BBS12: variants seen among roughly 807,000 people sequenced by gnomAD.
BBS12 encodes chaperonin-containing T-complex member BBS12.
BBS12 carries 5 observed loss-of-function variants against 5.6 expected under a neutral mutation model. The observed-to-expected ratio is 0.89, with a 90% CI of 0.46 to 1.86. The LOEUF is 1.86. BBS12 is among the 40% of genes most tolerant of loss of function. BBS12 has a pLI of 0.01. For synonymous variants in BBS12, 308 were observed against 306.8 expected (o/e 1.00, Z -0.04); for missense variants, 748 against 830.4 (o/e 0.90, Z 1.22).
chr4:122,716,199 G>A, the BBS12 span, among the ~76,000 whole-genome samples: 1 of 152,062 alleles, frequency 6.6e-6, no homozygotes, highest in African/African-American at 2.4e-5. Flanking sequence ...TGGATTTATT[G>A]TTCAAATCCA....
At chr4:122,713,570 A>C in the BBS12 span, among the ~76,000 whole-genome samples, 1 of 152,218 alleles carries the variant, frequency 6.6e-6, no homozygotes, top group Non-Finnish European at 1.5e-5. Context: ...CAACATTTGG[A>C]ATTAAGGCAA....
At chr4:122,727,488 C>T in the BBS12 span, among the ~76,000 whole-genome samples, 1 of 150,808 alleles carries the variant, frequency 6.6e-6, no homozygotes, top group Admixed American at 6.6e-5. Context: ...TCGTAATGCG[C>T]CTGCCTCAGC....
chr4:122,713,448 T>C, the BBS12 span, among the ~76,000 whole-genome samples: 1 of 152,154 alleles, frequency 6.6e-6, no homozygotes, highest in East Asian at 1.9e-4. Flanking sequence ...GCTATGATTG[T>C]GCCTGTGAAG....
At position 122,742,690 on chromosome 4, in the gene BBS12, T is replaced by C. The variant is rs762709515; in HGVS notation, c.798T>C (p.Asn266=). 3.7e-6 allele frequency: 6 copies of C among 1,614,192 alleles called. No homozygotes were observed. Among genetic ancestry groups the C allele is most frequent in the Non-Finnish European group, 5.1e-6 (6 of 1,180,026 alleles). ...VTATHKTYRC[N]DLVELAVGLS... is the part of the protein sequence containing the mutation. ...CTACTCACAAAACTTACAGATGTAATGATTTGGTAGAGTTGGCAGTAGGCT... is the reference window on the plus strand; with the variant it reads ...CTACTCACAAAACTTACAGATGTAACGATTTGGTAGAGTTGGCAGTAGGCT... The change falls in exon 2 of 2, where the codon AAT becomes AAC. Residue 266 remains asparagine, a synonymous_variant. Coordinates refer to ENST00000314218, the MANE Select transcript of BBS12 (RefSeq NM_152618.3).
At chr4:122,717,061 A>G in the BBS12 span, among the ~76,000 whole-genome samples, 1 of 152,176 alleles carries the variant, frequency 6.6e-6, no homozygotes, top group Admixed American at 6.6e-5. Flanking sequence ...ATTGTATGGG[A>G]CCAACCCCTA....
chr4:122,728,950 CTT>C (rs1453823808), upstream of BBS12: 2 of 152,254 alleles, frequency 1.3e-5, no homozygotes, highest in African/African-American at 4.8e-5. Flanking sequence ...TCCACTGCAT[CTT>C]GTTTCAAAGT....
the BBS12 span, among the ~76,000 whole-genome samples, chr4:122,727,567 T>TTTTTTTTTTTTTTTTG: frequency 9.7e-6 from 1 of 102,566 alleles, no homozygotes; most frequent in Non-Finnish European, 1.9e-5. Context: ...TTTTTTTTTT[T>TTTTTTTTTTTTTTTTG]GAGATGGAGT....
chr4:122,738,873 A>G (rs1226737888), intron 1 of BBS12, among the ~76,000 whole-genome samples: 2 of 152,250 alleles, frequency 1.3e-5, no homozygotes, highest in African/African-American at 4.8e-5. Flanking sequence ...AGTGTTCAGT[A>G]TACTGGACTG....
At chr4:122,715,664 C>G in the BBS12 span, among the ~76,000 whole-genome samples, 3 of 152,182 alleles carry the variant, frequency 2.0e-5, no homozygotes, top group Admixed American at 2.0e-4. Flanking sequence ...TAGATTTTTA[C>G]ATCATTTTAT....
At chr4:122,738,106 A>G (rs1027682446) in intron 1 of BBS12, among the ~76,000 whole-genome samples, 8 of 152,252 alleles carry the variant, frequency 5.3e-5, no homozygotes, top group African/African-American at 1.7e-4. Flanking sequence ...CATACCTTGG[A>G]TTTGGCAATG....
chr4:122,708,868 T>A, the BBS12 span, among the ~76,000 whole-genome samples: 1 of 140,824 alleles, frequency 7.1e-6, no homozygotes, highest in South Asian at 2.6e-4. Flanking sequence ...CAAAAAGCTG[T>A]CAATTAATAA....
chr4:122,727,569 A>C, the BBS12 span, among the ~76,000 whole-genome samples: 4 of 22,572 alleles, frequency 1.8e-4, no homozygotes, highest in African/African-American at 1.8e-3. Flanking sequence ...TTTTTTTTTG[A>C]GATGGAGTCT....
Position 122,743,751 on chromosome 4 carries a change from A to G in BBS12, c.1859A>G (p.Gln620Arg), listed in dbSNP as rs139278612. The change falls in exon 2 of 2, where the codon CAA (glutamine) becomes CGA (arginine). Residue 620 changes from glutamine to arginine, a missense_variant. Gln to Arg is a conservative substitution (Grantham distance 43, BLOSUM62 1). Coordinates refer to ENST00000314218, the MANE Select transcript of BBS12 (RefSeq NM_152618.3). ...GAATTTGAAGCCAGCACATACATTCAACATCATCTGCAAAATGCCACAGAC... is the reference window on the plus strand; with the variant it reads ...GAATTTGAAGCCAGCACATACATTCGACATCATCTGCAAAATGCCACAGAC... ...SSEFEASTYI[Q>R]HHLQNATDSG... The G allele has an allele frequency of 5.5e-4, 894 of 1,614,064 alleles. 2 individuals are homozygous for G. Among genetic ancestry groups the G allele is most frequent in the Middle Eastern group, 2.5e-3 (15 of 6,084 alleles).
chr4:122,742,633 C>T lies in BBS12; in HGVS notation c.741C>T (p.Ser247=), dbSNP rs1378046838. 1 of 1,614,184 alleles carries T rather than the reference C, an allele frequency of 6.2e-7. No homozygotes were observed. Among genetic ancestry groups the T allele is most frequent in the South Asian group, 1.1e-5 (1 of 91,084 alleles). The change falls in exon 2 of 2, where the codon AGC becomes AGT. Residue 247 remains serine (S), a synonymous_variant. Coordinates refer to ENST00000314218, the MANE Select transcript of BBS12 (RefSeq NM_152618.3). ...FNRTDNTEGV[S]KPDGFQEHVT... ...GGACAGATAATACTGAAGGGGTAAG[C>T]AAACCAGATGGATTTCAAGAACATG...
chr4:122,731,104 C>T (rs1000957338), upstream of BBS12: 5 of 152,174 alleles, frequency 3.3e-5, no homozygotes, highest in Admixed American at 6.5e-5. Flanking sequence ...TGTACTCACA[C>T]CTGCCCTCAA....
At chr4:122,704,547 C>T in the BBS12 span, among the ~76,000 whole-genome samples, 438 of 152,254 alleles carry the variant, frequency 2.9e-3, 1 homozygote, top group African/African-American at 8.5e-3. Context: ...CCATAAAAAC[C>T]CTCTTGCCAG....
At chr4:122,733,578 A>G (rs1404965491) in intron 1 of BBS12, among the ~76,000 whole-genome samples, 1 of 152,076 alleles carries the variant, frequency 6.6e-6, no homozygotes, top group African/African-American at 2.4e-5. Flanking sequence ...TTGTAAACCA[A>G]CTCAATCTCT....
At position 122,744,074 on chromosome 4, in the gene BBS12, T is replaced by C; in HGVS notation, c.*49T>C. On this transcript the variant is annotated 3_prime_UTR_variant, in exon 2 of 2. Transcript: ENST00000314218. ...AATAATTTTTCATAATATGTCATGC[T>C]AATAATAAATATATTGATAGCCAAG... The C allele has an allele frequency of 6.4e-7, 1 of 1,550,960 alleles. No homozygotes were observed. Among genetic ancestry groups the C allele is most frequent in the Non-Finnish European group, 8.9e-7 (1 of 1,124,898 alleles).
chr4:122,708,890 T>C, the BBS12 span, among the ~76,000 whole-genome samples: 1 of 152,124 alleles, frequency 6.6e-6, no homozygotes, highest in Non-Finnish European at 1.5e-5. Flanking sequence ...TATGTTAATA[T>C]TGAACTAAGG....
Sources: allele counts gnomAD v4.1 joint callset (sites outside exome capture counted in the v4.1 genomes callset), GRCh38; gene constraint gnomAD v4.1.1; transcripts MANE v1.5; gene names NCBI Gene and HGNC (gene_info 2026-07-23, HGNC 2026-07-21).